The following FAM167A variants were observed in gnomAD, a reference collection of about 807,000 sequenced individuals.
FAM167A encodes the protein family with sequence similarity 167 member A, also known as protein FAM167A.
In FAM167A, 23 loss-of-function variants were observed where a neutral mutation model predicts 14.9. That is an observed-to-expected ratio of 1.55 (90% confidence interval 1.11 to 2.19). FAM167A has a LOEUF of 2.19. Among genes scored for constraint, FAM167A ranks in the 30% most tolerant of loss-of-function variants. The probability of loss-of-function intolerance (pLI) is 0.00; values close to 1 mark genes in which losing one functional copy is unlikely to be tolerated. For missense variants in FAM167A, 401 were observed against 281.5 expected (o/e 1.42, Z -3.04); for synonymous variants, 174 against 117.7 (o/e 1.48, Z -3.10).
chr8:11,441,898 A>C (rs968322087), intron 2 of FAM167A, among the ~76,000 whole-genome samples: 4 of 152,224 alleles, frequency 2.6e-5, no homozygotes, highest in African/African-American at 7.2e-5. Flanking sequence ...CAGGAAAAGC[A>C]GGGGTACCAG....
intron 2 of FAM167A, chr8:11,438,120 G>A (rs1324756953): frequency 2.2e-6 from 1 of 456,516 alleles, no homozygotes; most frequent in East Asian, 6.9e-5. Flanking sequence ...GCGGCCAGTG[G>A]AGGCCGGTAG....
In FAM167A at chr8:11,432,834, C is replaced by G. The variant is rs373297336; in HGVS notation, c.382-8198G>C. Among the ~76,000 whole-genome samples, 29 of 152,242 alleles carry G rather than the reference C, an allele frequency of 1.9e-4. No individual in the cohort carries two copies. The East Asian group carries it at 2.3e-3, about 12-fold the overall frequency. The stretch of plus-strand genomic sequence containing the variant: ...AACCCAAATGTCAATCAATGATAGA[C>G]TGGATTAAGAAAATGTGGCACAGAT... On this transcript the variant is annotated intron_variant, in intron 2 of 2. Coordinates refer to ENST00000284486, the MANE Select transcript of FAM167A (RefSeq NM_053279.3).
chr8:11,452,612 C>A (rs1480786239), intron 1 of FAM167A, among the ~76,000 whole-genome samples: 2 of 152,204 alleles, frequency 1.3e-5, no homozygotes, highest in Admixed American at 6.5e-5. Flanking sequence ...CACGAGGTTG[C>A]CTCGGGTCTG....
At chr8:11,472,154 C>A (rs116558059), upstream of FAM167A, among the ~76,000 whole-genome samples, 1 of 152,202 alleles carries the variant, frequency 6.6e-6, no homozygotes, top group Non-Finnish European at 1.5e-5. Flanking sequence ...AAATGTCAGG[C>A]TGGGACTGAT....
intron 2 of FAM167A, among the ~76,000 whole-genome samples, chr8:11,443,467 C>T (rs1248522664): frequency 1.1e-4 from 17 of 152,186 alleles, no homozygotes; most frequent in Non-Finnish European, 2.1e-4. Flanking sequence ...GGACCCATCC[C>T]GCCGACTCTG....
At chr8:11,455,587 G>A (rs1292774080) in intron 1 of FAM167A, among the ~76,000 whole-genome samples, 3 of 141,176 alleles carry the variant, frequency 2.1e-5, no homozygotes, top group Non-Finnish European at 4.6e-5. Context: ...TTTGAGTGTG[G>A]GATGGTTGCC....
Position 11,444,034 on chromosome 8 carries a change from T to C in FAM167A, c.378A>G (p.Glu126=). 1 of 1,611,004 alleles carries C rather than the reference T, an allele frequency of 6.2e-7. No individual in the cohort carries two copies. Among genetic ancestry groups the C allele is most frequent in the Non-Finnish European group, 8.5e-7 (1 of 1,178,536 alleles). ...ATTCTTGGGGGCAGCCACTCACCAG[T>C]TCCTTCCTGAGCCAGGCTATAGCTT... ...IDEAIAWLRK[E]LTEMRLQDQQ... The change falls in exon 2 of 3, where the codon GAA becomes GAG. Residue 126 remains glutamate, a synonymous_variant. Transcript: ENST00000284486.
intron 1 of FAM167A, among the ~76,000 whole-genome samples, chr8:11,454,895 TG>T (rs1188898233): frequency 2.0e-5 from 3 of 152,214 alleles, no homozygotes; most frequent in Non-Finnish European, 2.9e-5. Flanking sequence ...ACAGAGCTGC[TG>T]CCGGGAGCCA....
intron 1 of FAM167A, among the ~76,000 whole-genome samples, chr8:11,451,189 G>T (rs1807010117): frequency 6.6e-6 from 1 of 152,238 alleles, no homozygotes; most frequent in African/African-American, 2.4e-5. Flanking sequence ...CTCTGAGCTG[G>T]CCGGGGCCGC....
At chr8:11,469,655 C>T (rs974545128), upstream of FAM167A, among the ~76,000 whole-genome samples, 3 of 151,932 alleles carry the variant, frequency 2.0e-5, no homozygotes, top group African/African-American at 7.3e-5. Flanking sequence ...TTGCTTGAGC[C>T]CAGGAATTGG....
At chr8:11,467,150 G>A (rs147952533), upstream of FAM167A, among the ~76,000 whole-genome samples, 101 of 152,348 alleles carry the variant, frequency 6.6e-4, 2 homozygotes, top group South Asian at 1.0e-3. Flanking sequence ...CATAGGACCC[G>A]CGGCCACGAC....
At chr8:11,457,036 G>C in intron 1 of FAM167A, among the ~76,000 whole-genome samples, 2 of 128,246 alleles carry the variant, frequency 1.6e-5, no homozygotes, top group East Asian at 4.8e-4. Flanking sequence ...GGGTATGGGC[G>C]GGGCTGGGTT....
In FAM167A at chr8:11,423,227, G is replaced by A. The variant is rs1804884755; in HGVS notation, c.*1146C>T. On this transcript the variant is annotated 3_prime_UTR_variant, in exon 3 of 3. Transcript: ENST00000284486. ...ACCCCTGCCATGCCGTATGACCCCA[G>A]ACTGACCTCCCTAACCTGCTGGGGT... 6.6e-6 allele frequency: 1 copy of A among 152,250 alleles called. No homozygotes were observed. Among genetic ancestry groups the A allele is most frequent in the Non-Finnish European group, 1.5e-5 (1 of 68,042 alleles). The allele number at this position is 152,250 out of a possible 1,614,324, so 9.4% of individuals were successfully genotyped here.
rs775453862 is a variant in FAM167A at position 11,424,398 on chromosome 8, T to G, written c.620A>C (p.Asn207Thr). The G allele has an allele frequency of 1.9e-6, 3 of 1,608,500 alleles. No homozygotes were observed. Among genetic ancestry groups the G allele is most frequent in the South Asian group, 2.2e-5 (2 of 90,604 alleles). The change falls in exon 3 of 3, where the codon AAC becomes ACC. Residue 207 changes from asparagine to threonine, a missense_variant. Asn to Thr is a moderately conservative substitution (Grantham distance 65). Coordinates refer to ENST00000284486, the MANE Select transcript of FAM167A (RefSeq NM_053279.3). ...KLIGVTKMNI[N>T]SRRFSLC is the part of the protein sequence containing the mutation. Reference sequence around the variant, plus strand: ...TCAGCAGAGAGAGAACCTCCGAGAGTTGATGTTCATCTTGGTCACGCCAAT... The same window carrying G: ...TCAGCAGAGAGAGAACCTCCGAGAGGTGATGTTCATCTTGGTCACGCCAAT...
In FAM167A at chr8:11,444,354, C is replaced by G. The variant is rs894496900; in HGVS notation, c.58G>C (p.Ala20Pro). The change falls in exon 2 of 3, where the codon GCC becomes CCC. Residue 20 changes from alanine to proline, a missense_variant. Transcript: ENST00000284486. ...EVGAEEGAGA[A>P]APPDDHLRSL... ...CGGAGGTGGTCATCGGGTGGTGCGG[C>G]TGCTCCCGCCCCCTCTTCTGCACCC... is the stretch of plus-strand genomic sequence containing the variant. 6.3e-7 allele frequency: 1 copy of G among 1,599,368 alleles called. No homozygotes were observed. The highest frequency in any genetic ancestry group is 2.2e-5 in the East Asian group (1 of 44,714).
In FAM167A at chr8:11,424,104, C is replaced by G; in HGVS notation, c.*269G>C. ...TGGAGGGATGGATTATGGTGGGAACCCAGGTCTCCTTTAACATCTTGGTTG... is the reference window on the plus strand; with the variant it reads ...TGGAGGGATGGATTATGGTGGGAACGCAGGTCTCCTTTAACATCTTGGTTG... On this transcript the variant is annotated 3_prime_UTR_variant, in exon 3 of 3. Transcript: ENST00000284486. 2.3e-6 allele frequency: 1 copy of G among 436,450 alleles called. No homozygotes were observed. The allele number at this position is 436,450 out of a possible 1,614,324, so 27.0% of individuals were successfully genotyped here.
intron 1 of FAM167A, among the ~76,000 whole-genome samples, chr8:11,457,456 C>A (rs1033476131): frequency 5.3e-5 from 8 of 151,980 alleles, no homozygotes; most frequent in African/African-American, 1.7e-4. Context: ...CAGGATGGAG[C>A]CCAGCGCTCG....
rs1286040031 is a variant in FAM167A, at chr8:11,422,378, GTGT to G, written c.*1992_*1994del. 8.7e-5 allele frequency: 7 copies of G among 80,142 alleles called. No individual in the cohort carries two copies. Among genetic ancestry groups the G allele is most frequent in the African/African-American group, 7.8e-4 (7 of 8,940 alleles). The allele number at this position is 80,142 out of a possible 1,614,324, so 5.0% of individuals were successfully genotyped here. A position where few individuals can be genotyped will look rare whatever the true frequency, so the allele number is the denominator to read the frequency against. On this transcript the variant is annotated 3_prime_UTR_variant, in exon 3 of 3. Transcript: ENST00000284486. Reference sequence around the variant, plus strand: ...GTCGTGTGTGTGTGTGTGGGGGTGTGTGTGTGTGTGTGTGTGTGTGTGTGTGTA... The same window carrying G: ...GTCGTGTGTGTGTGTGTGGGGGTGTGGTGTGTGTGTGTGTGTGTGTGTGTA...
rs569311575 is a variant in FAM167A at position 11,430,364 on chromosome 8, G to C, written c.382-5728C>G. Among the ~76,000 whole-genome samples, 12 of 152,342 alleles carry C rather than the reference G, an allele frequency of 7.9e-5. No individual in the cohort carries two copies. In the South Asian group the frequency reaches 2.3e-3, roughly 29 times the overall value. ...CACACGTGGCCCCTTTGAAACAGCT[G>C]TGCTTGTGATCTGTACTACAGATGT... On this transcript the variant is annotated intron_variant, in intron 2 of 2. Coordinates refer to ENST00000284486, the MANE Select transcript of FAM167A (RefSeq NM_053279.3).
Sources: allele counts gnomAD v4.1 joint callset (sites outside exome capture counted in the v4.1 genomes callset), GRCh38; gene constraint gnomAD v4.1.1; transcripts MANE v1.5; gene names NCBI Gene and HGNC (gene_info 2026-07-23, HGNC 2026-07-21).